CNOT10: variants seen among roughly 807,000 people sequenced by gnomAD.
CNOT10 encodes the protein CCR4-NOT transcription complex subunit 10, also known as CCR4-NOT transcription complex, subunit 10.
Under a neutral mutation model 94.6 loss-of-function variants are expected in CNOT10, and 30 were observed. That is an observed-to-expected ratio of 0.32 (90% CI 0.24 to 0.43). CNOT10 has a LOEUF of 0.43. Among genes scored for constraint, CNOT10 ranks in the 20% least tolerant of loss-of-function variants. The pLI, the probability that CNOT10 is intolerant of heterozygous loss-of-function variation, is 1.00. For missense variants in CNOT10, 759 were observed against 877.2 expected, an observed-to-expected ratio of 0.87 and a Z score of 1.70; for synonymous variants, 289 against 301.6, an observed-to-expected ratio of 0.96 and a Z score of 0.43.
chr3:32,731,001 C>G (rs911352453), intron 10 of CNOT10: 1 of 152,156 alleles, frequency 6.6e-6, no homozygotes, highest in East Asian at 1.9e-4. Context: ...TTGTTTTCAT[C>G]TGTTGCATCT....
chr3:32,772,356 A>G (rs1396036242), intron 18 of CNOT10, among the ~76,000 whole-genome samples: 2 of 152,092 alleles, frequency 1.3e-5, no homozygotes, highest in Non-Finnish European at 2.9e-5. Flanking sequence ...CTCAAAAAAA[A>G]AAAGGGACAT....
intron 7 of CNOT10, among the ~76,000 whole-genome samples, chr3:32,719,909 T>G (rs997597777): frequency 6.6e-6 from 1 of 152,190 alleles, no homozygotes; most frequent in African/African-American, 2.4e-5. Flanking sequence ...GGACCCTTAG[T>G]AATTATTTTT....
intron 1 of CNOT10, among the ~76,000 whole-genome samples, chr3:32,686,785 A>G (rs927648805): frequency 6.6e-6 from 1 of 152,182 alleles, no homozygotes; most frequent in African/African-American, 2.4e-5. Context: ...TGCTCATACC[A>G]TTGCGCTTGC....
chr3:32,740,678 C>T (rs377758189), intron 13 of CNOT10, among the ~76,000 whole-genome samples: 41 of 151,732 alleles, frequency 2.7e-4, no homozygotes, highest in African/African-American at 8.5e-4. Flanking sequence ...CTAGCTAACA[C>T]GGTGAAACCC....
chr3:32,743,071 C>T lies in CNOT10; in HGVS notation c.1595+5581C>T, dbSNP rs1229605503. ...GTGTGTCTTGGCTCACTGCAACATC[C>T]GCCTCCTGAGTTCAAGCAGTTCTCC... On this transcript the variant is annotated intron_variant, in intron 13 of 18. Transcript: ENST00000328834. Among the ~76,000 whole-genome samples the T allele has an allele frequency of 6.0e-5, 9 of 150,886 alleles. No homozygotes were observed. In the South Asian group the frequency reaches 1.3e-3, roughly 21 times the overall value.
At chr3:32,693,612 G>C (rs1164959999) in intron 1 of CNOT10, 1 of 150,138 alleles carries the variant, frequency 6.7e-6, no homozygotes. Context: ...CATGAACACT[G>C]CTCACTGCAT....
intron 1 of CNOT10, among the ~76,000 whole-genome samples, chr3:32,697,515 G>T (rs185714992): frequency 1.2e-3 from 182 of 152,108 alleles, no homozygotes; most frequent in African/African-American, 4.0e-3. Flanking sequence ...CTGTCACCCA[G>T]GCTGGAGTGC....
Position 32,762,747 on chromosome 3 carries a change from T to C in CNOT10, c.1724T>C (p.Leu575Ser), listed in dbSNP as rs1700505594. The C allele has an allele frequency of 2.5e-6, 4 of 1,589,742 alleles. No homozygotes were observed. The highest frequency in any genetic ancestry group is 1.4e-5 in the African/African-American group (1 of 73,396). Residue 575 changes from leucine (L) to serine (S), a missense_variant, in exon 15 of 19, where the codon TTA becomes TCA. Leu to Ser is a moderately radical substitution (Grantham distance 145). Around this residue, in one of 3 missense-constraint regions of CNOT10, gnomAD observed 682 missense variants for 799.4 expected, o/e 0.85. Transcript: ENST00000328834. ...LSGSLKFLGH[L>S]YAAEALISLD... ...TTTCATTTTAGGTTTTTGGGACATT[T>C]ATATGCTGCAGAAGCCCTCATCTCT...
At position 32,708,828 on chromosome 3, in the gene CNOT10, A is replaced by T. The variant is rs1312826756; in HGVS notation, c.430+8A>T. ...AGTTCATAGAGCCTTTTGGTATGTT[A>T]TCTGTCAAGTCAAAAATTTCCCTAT... On this transcript the variant is annotated splice_region_variant and intron_variant, in intron 4 of 18. Coordinates refer to ENST00000328834, the MANE Select transcript of CNOT10 (RefSeq NM_015442.3). 8 of 1,596,394 alleles carry T rather than the reference A, an allele frequency of 5.0e-6. No homozygotes were observed.
At chr3:32,722,358 C>T (rs927990086) in intron 8 of CNOT10, among the ~76,000 whole-genome samples, 3 of 152,182 alleles carry the variant, frequency 2.0e-5, no homozygotes, top group Non-Finnish European at 4.4e-5. Context: ...ATTTCTAATT[C>T]TGCTCAATTT....
intron 1 of CNOT10, among the ~76,000 whole-genome samples, chr3:32,687,576 C>T (rs893813574): frequency 2.0e-5 from 3 of 151,204 alleles, no homozygotes; most frequent in Admixed American, 6.6e-5. Flanking sequence ...CTCAGCCACC[C>T]GAGTAGCTGG....
At chr3:32,696,336 A>G (rs1452126113) in intron 1 of CNOT10, among the ~76,000 whole-genome samples, 1 of 151,936 alleles carries the variant, frequency 6.6e-6, no homozygotes, top group African/African-American at 2.4e-5. Flanking sequence ...AAGAAGAAGA[A>G]GAAGAAATGG....
intron 10 of CNOT10, among the ~76,000 whole-genome samples, chr3:32,728,678 T>C (rs1411085934): frequency 6.6e-6 from 1 of 152,152 alleles, no homozygotes; most frequent in Non-Finnish European, 1.5e-5. Flanking sequence ...TAAGTAAGTA[T>C]GGCAACATTA....
chr3:32,709,149 G>A (rs180888952), intron 4 of CNOT10, among the ~76,000 whole-genome samples: 1 of 152,298 alleles, frequency 6.6e-6, no homozygotes, highest in African/African-American at 2.4e-5. Flanking sequence ...GTAGCATTTT[G>A]GAATGTTAGG....
chr3:32,739,176 G>T (rs1364787042), intron 13 of CNOT10, among the ~76,000 whole-genome samples: 1 of 152,188 alleles, frequency 6.6e-6, no homozygotes, highest in Non-Finnish European at 1.5e-5. Context: ...AAAGTTTTGG[G>T]ATTACAGGCA....
At chr3:32,722,194 T>G (rs1234600474) in intron 8 of CNOT10, among the ~76,000 whole-genome samples, 1 of 152,242 alleles carries the variant, frequency 6.6e-6, no homozygotes, top group Non-Finnish European at 1.5e-5. Flanking sequence ...TTGTTTTTTT[T>G]GGATTCTACC....
At chr3:32,727,613 A>G (rs1698736769) in intron 9 of CNOT10, 55 bp from the exon 10 acceptor site, 1 of 1,143,546 alleles carries the variant, frequency 8.7e-7, no homozygotes, top group Non-Finnish European at 1.3e-6. Flanking sequence ...AATGTTTTCA[A>G]GGTTACTATT....
intron 13 of CNOT10, chr3:32,753,564 A>G: frequency 9.5e-6 from 15 of 1,586,532 alleles, no homozygotes; most frequent in Non-Finnish European, 1.3e-5. Context: ...AGGCTGTGAG[A>G]TGGGAAAAGC....
At chr3:32,751,551 A>G (rs1284833927) in intron 13 of CNOT10, among the ~76,000 whole-genome samples, 1 of 152,224 alleles carries the variant, frequency 6.6e-6, no homozygotes, top group Non-Finnish European at 1.5e-5. Context: ...TCAGACTCTA[A>G]TGTGACAGTC....
Sources: allele counts gnomAD v4.1 joint callset (sites outside exome capture counted in the v4.1 genomes callset), GRCh38; gene constraint gnomAD v4.1.1; regional missense constraint gnomAD v4.1.1; transcripts MANE v1.5; gene names NCBI Gene and HGNC (gene_info 2026-07-23, HGNC 2026-07-21).